Variants in PSMF1 observed in about 807,000 individuals in gnomAD.
PSMF1 encodes the protein proteasome inhibitor PI31 subunit.
A neutral mutation model predicts 29.3 loss-of-function variants in PSMF1; 30 were observed. The ratio of observed to expected loss-of-function variants is 1.02; its 90% CI spans 0.77 to 1.39. The LOEUF is 1.39. PSMF1 is among the 40% of genes most tolerant of loss of function. The pLI, the probability that PSMF1 is intolerant of heterozygous loss-of-function variation, is 0.00. For synonymous variants in PSMF1, 134 were observed against 139.7 expected (o/e 0.96, Z 0.29); for missense variants, 344 against 357.5 (o/e 0.96, Z 0.31).
intron 4 of PSMF1, among the ~76,000 whole-genome samples, chr20:1,138,982 C>A (rs1223606256): frequency 6.6e-6 from 1 of 152,146 alleles, no homozygotes; most frequent in African/African-American, 2.4e-5. Context: ...TCAAGATCAG[C>A]CTGGCCAACA....
chr20:1,147,135 T>TATCATCATC (rs112288654), intron 4 of PSMF1, among the ~76,000 whole-genome samples: 43 of 146,640 alleles, frequency 2.9e-4, no homozygotes, highest in Non-Finnish European at 5.1e-4. Flanking sequence ...TTGTTTCCGT[T>TATCATCATC]ATCATCATCA....
intron 3 of PSMF1, among the ~76,000 whole-genome samples, chr20:1,133,569 A>ATATATATATATATATATTT: frequency 1.6e-3 from 86 of 53,262 alleles, no homozygotes; most frequent in African/African-American, 3.3e-3. Context: ...ATATATATAT[A>ATATATATATATATATATTT]TTTTTTTTTT....
chr20:1,156,265 G>C lies in PSMF1; in HGVS notation c.552-6865G>C, dbSNP rs1264342309. Among the ~76,000 whole-genome samples the C allele has an allele frequency of 3.3e-5, 5 of 152,158 alleles. No homozygotes were observed. In the East Asian group the frequency reaches 5.8e-4, roughly 18 times the overall value. ...TTTTAAAATAATGTCTGAGGGACCT[G>C]TGGGGCAATTATAAAAGGTCTAACA... On this transcript the variant is annotated intron_variant, in intron 4 of 6. Coordinates refer to ENST00000335877, the MANE Select transcript of PSMF1 (RefSeq NM_006814.5).
intron 3 of PSMF1, among the ~76,000 whole-genome samples, chr20:1,128,873 C>T (rs568728848): frequency 1.1e-3 from 174 of 151,460 alleles, no homozygotes; most frequent in Non-Finnish European, 2.1e-3. Context: ...CTAATTTTTG[C>T]GTTTTTTTGT....
chr20:1,119,084 A>G (rs1464350234), intron 1 of PSMF1, among the ~76,000 whole-genome samples, 182 bp downstream of exon 1: 1 of 152,216 alleles, frequency 6.6e-6, no homozygotes, highest in Non-Finnish European at 1.5e-5. Flanking sequence ...CCCAGCCCAG[A>G]GTCCCTCACG....
Sources: allele counts gnomAD v4.1 joint callset (sites outside exome capture counted in the v4.1 genomes callset), GRCh38; gene constraint gnomAD v4.1.1; transcripts MANE v1.5; gene names NCBI Gene and HGNC (gene_info 2026-07-23, HGNC 2026-07-21).